The following MRM3 variants were observed in gnomAD, a reference collection of about 807,000 sequenced individuals.
MRM3 encodes the protein mitochondrial rRNA methyltransferase 3.
In MRM3, 26 loss-of-function variants were observed where a neutral mutation model predicts 29.4. That is an observed-to-expected ratio of 0.89 (90% CI 0.65 to 1.23). MRM3 has a LOEUF of 1.23. MRM3 is among the 50% of genes most tolerant of loss of function. The pLI, the probability that MRM3 is intolerant of heterozygous loss-of-function variation, is 0.00. For missense variants in MRM3, 578 were observed against 540.2 expected, an observed-to-expected ratio of 1.07 and a Z score of -0.69; for synonymous variants, 225 against 219.0, an observed-to-expected ratio of 1.03 and a Z score of -0.24.
At chr17:784,961 A>T (rs527852860) in intron 2 of MRM3, among the ~76,000 whole-genome samples, 2 of 152,302 alleles carry the variant, frequency 1.3e-5, no homozygotes, top group South Asian at 4.1e-4. Context: ...AAAGAATCCT[A>T]AATCTTTGAT....
intron 2 of MRM3, among the ~76,000 whole-genome samples, chr17:784,413 A>G (rs1910437474): frequency 6.6e-6 from 1 of 152,202 alleles, no homozygotes; most frequent in Admixed American, 6.5e-5. Context: ...TCCACACGCC[A>G]TGCTTCAGTG....
chr17:787,112 C>T lies in MRM3; in HGVS notation c.560-853C>T, dbSNP rs1429236834. ...ACAAAAAATTAGCCGGGTGTGGTTG[C>T]GGGTGCCTGTAATCCCAGCTACTTG... On this transcript the variant is annotated intron_variant, in intron 2 of 3. Coordinates refer to ENST00000304478, the MANE Select transcript of MRM3 (RefSeq NM_018146.4). The surrounding 1 kb of genome is among the most constrained non-coding windows in gnomAD (Gnocchi z 4.1). 6.6e-6 allele frequency among the ~76,000 whole-genome samples: 1 copy of T among 152,118 alleles called. No individual in the cohort carries two copies. Among genetic ancestry groups the T allele is most frequent in the Non-Finnish European group, 1.5e-5 (1 of 68,014 alleles).
At chr17:788,908 G>C (rs139867677) in intron 3 of MRM3, among the ~76,000 whole-genome samples, 1 of 152,364 alleles carries the variant, frequency 6.6e-6, no homozygotes, top group African/African-American at 2.4e-5. Context: ...TCACTGTGAG[G>C]ATTAAGTGAG....
chr17:783,904 A>C (rs545645708), intron 2 of MRM3, among the ~76,000 whole-genome samples: 56 of 152,290 alleles, frequency 3.7e-4, no homozygotes, highest in African/African-American at 1.3e-3. Flanking sequence ...TCAGATTAAA[A>C]ATTAAGAAAG....
chr17:782,361 GC>G lies in MRM3; in HGVS notation c.-15del. On this transcript the variant is annotated 5_prime_UTR_variant, in exon 1 of 4. Transcript: ENST00000304478. Reference sequence around the variant, plus strand: ...GCCGACGGCGCGCTTTCGTGACGCAGCCCGGGTCTCAGGGAACATGGCGGCG... The same window carrying G: ...GCCGACGGCGCGCTTTCGTGACGCAGCCGGGTCTCAGGGAACATGGCGGCG... 6.2e-7 allele frequency: 1 copy of G among 1,613,260 alleles called. No homozygotes were observed. The highest frequency in any genetic ancestry group is 8.5e-7 in the Non-Finnish European group (1 of 1,179,660).
chr17:782,701 G>A lies in MRM3; in HGVS notation c.314+9G>A. On this transcript the variant is annotated intron_variant, in intron 1 of 3. Transcript: ENST00000304478. Reference sequence around the variant, plus strand: ...GGGGACAGGAGGCTGAGGTGATGTGGTTCTTGAGCCTGTCGAATGTTCTCG... The same window carrying A: ...GGGGACAGGAGGCTGAGGTGATGTGATTCTTGAGCCTGTCGAATGTTCTCG... 3 of 1,586,460 alleles carry A rather than the reference G, an allele frequency of 1.9e-6. No individual in the cohort carries two copies. Among genetic ancestry groups the A allele is most frequent in the Non-Finnish European group, 2.6e-6 (3 of 1,161,574 alleles).
In MRM3 at chr17:791,702, C is replaced by A. The variant is rs1242454438; in HGVS notation, c.896C>A (p.Ser299Tyr). 6.2e-7 allele frequency: 1 copy of A among 1,614,194 alleles called. No homozygotes were observed. Among genetic ancestry groups the A allele is most frequent in the Non-Finnish European group, 8.5e-7 (1 of 1,180,038 alleles). Residue 299 changes from serine to tyrosine, a missense_variant, in exon 4 of 4, where the codon TCT becomes TAT. Transcript: ENST00000304478. Reference sequence around the variant, plus strand: ...GGCCTTTATGCCCAGGCTGAGATGTCTAATAAAGCTAGTGACCATGGCTGG... The same window carrying A: ...GGCCTTTATGCCCAGGCTGAGATGTATAATAAAGCTAGTGACCATGGCTGG... ...NCGLYAQAEMSNKASDHGWVC... is the reference protein window; with the variant it reads ...NCGLYAQAEMYNKASDHGWVC...
At chr17:786,359 C>T (rs185498621) in intron 2 of MRM3, among the ~76,000 whole-genome samples, 2 of 152,336 alleles carry the variant, frequency 1.3e-5, no homozygotes, top group Non-Finnish European at 2.9e-5. Context: ...TTGCAAGGTC[C>T]GCCTCCCGGG....
intron 3 of MRM3, among the ~76,000 whole-genome samples, chr17:788,728 T>C (rs1378471645): frequency 6.6e-6 from 1 of 151,906 alleles, no homozygotes; most frequent in Non-Finnish European, 1.5e-5. Context: ...ATGACAGGCA[T>C]GAATAACCAC....
In MRM3 at chr17:792,365, G is replaced by T; in HGVS notation, c.*296G>T. Reference sequence around the variant, plus strand: ...AGCACTTTGTGCCCAGAAAGTTCCTGAAGCATCATCCTGGCAGGGAGGCGC... The same window carrying T: ...AGCACTTTGTGCCCAGAAAGTTCCTTAAGCATCATCCTGGCAGGGAGGCGC... On this transcript the variant is annotated 3_prime_UTR_variant, in exon 4 of 4. Transcript: ENST00000304478. 3.1e-6 allele frequency: 1 copy of T among 324,838 alleles called. No homozygotes were observed. The highest frequency in any genetic ancestry group is 2.1e-5 in the African/African-American group (1 of 47,234). The allele number at this position is 324,838 out of a possible 1,614,324, so 20.1% of individuals were successfully genotyped here.
chr17:787,198 AT>A lies in MRM3; in HGVS notation c.560-765del, dbSNP rs529351813. Among the ~76,000 whole-genome samples the A allele has an allele frequency of 9.1e-4, 138 of 152,266 alleles. 2 individuals carry two copies. Among genetic ancestry groups the A allele is most frequent in the African/African-American group, 3.2e-3 (135 of 41,558 alleles). ...GAGGCAGAGGTTGCAGTGAGCCAGC[AT>A]TACACCATTGTACTCCAGCCTGGGC... On this transcript the variant is annotated intron_variant, in intron 2 of 3. Coordinates refer to ENST00000304478, the MANE Select transcript of MRM3 (RefSeq NM_018146.4). The surrounding 1 kb of genome is among the most constrained non-coding windows in gnomAD (Gnocchi z 4.1).
At chr17:791,473 C>A (rs1198181722) in intron 3 of MRM3, 61 bp from the exon 4 acceptor site, 2 of 1,538,776 alleles carry the variant, frequency 1.3e-6, no homozygotes, top group Non-Finnish European at 1.8e-6. Flanking sequence ...CAGACTTACT[C>A]CACAGTCCCC....
intron 3 of MRM3, chr17:790,472 C>A: frequency 5.7e-6 from 1 of 175,560 alleles, no homozygotes. Flanking sequence ...GTTGGCCTGC[C>A]CACCTCCCAC....
Position 782,643 on chromosome 17 carries a change from G to C in MRM3, c.265G>C (p.Glu89Gln). ...ATCCCGCGCTCCCAGCACCTGGGAA[G>C]AGTCTGGGCTTCGCTACGATAAAGC... ...SASRAPSTWE[E>Q]SGLRYDKAYP... The change falls in exon 1 of 4, where the codon GAG (glutamate) becomes CAG (glutamine). Residue 89 changes from glutamate (E) to glutamine (Q), a missense_variant. Transcript: ENST00000304478. 6.2e-7 allele frequency: 1 copy of C among 1,613,386 alleles called. No homozygotes were observed.
intron 3 of MRM3, among the ~76,000 whole-genome samples, chr17:789,106 T>C (rs1910677964): frequency 1.3e-5 from 2 of 152,214 alleles, no homozygotes; most frequent in Non-Finnish European, 2.9e-5. Context: ...ATTATAGGCA[T>C]TAGCCGCCAT....
In MRM3 at chr17:782,410, T is replaced by C. The variant is rs773447599; in HGVS notation, c.32T>C (p.Val11Ala). Residue 11 changes from valine (V) to alanine (A), a missense_variant, in exon 1 of 4, where the codon GTC (valine) becomes GCC (alanine). Val to Ala is a moderately conservative substitution (Grantham distance 64). Coordinates refer to ENST00000304478, the MANE Select transcript of MRM3 (RefSeq NM_018146.4). The part of the protein sequence containing the change: MAALVRPARF[V>A]VRPLLQVVQA... The stretch of plus-strand genomic sequence containing the variant: ...GCGCTGGTGAGACCCGCGAGGTTTG[T>C]CGTGCGACCGTTGCTGCAGGTGGTC... 1.9e-6 allele frequency: 3 copies of C among 1,613,776 alleles called. No homozygotes were observed. In the African/African-American group the frequency reaches 4.0e-5, roughly 22 times the overall value.
rs2273454 is a variant in MRM3, at chr17:782,400, G to A, written c.22G>A (p.Ala8Thr). Residue 8 changes from alanine (A) to threonine (T), a missense_variant, in exon 1 of 4, where the codon GCG (alanine) becomes ACG (threonine). Transcript: ENST00000304478. MAALVRP[A>T]RFVVRPLLQV... ...GAACATGGCGGCGCTGGTGAGACCC[G>A]CGAGGTTTGTCGTGCGACCGTTGCT... 3 of 1,613,366 alleles carry A rather than the reference G, an allele frequency of 1.9e-6. No homozygotes were observed. Among genetic ancestry groups the A allele is most frequent in the East Asian group, 2.2e-5 (1 of 44,828 alleles).
At chr17:790,328 T>G (rs1800635233) in intron 3 of MRM3, 1 of 153,104 alleles carries the variant, frequency 6.5e-6, no homozygotes, top group Admixed American at 6.5e-5. Flanking sequence ...AGACTGAACG[T>G]TGAAGCCCAA....
Position 788,117 on chromosome 17 carries a change from G to A in MRM3, c.712G>A (p.Val238Met), listed in dbSNP as rs145957030. Residue 238 changes from valine (V) to methionine (M), a missense_variant, in exon 3 of 4, where the codon GTG becomes ATG. Val to Met is a conservative substitution (Grantham distance 21). Coordinates refer to ENST00000304478, the MANE Select transcript of MRM3 (RefSeq NM_018146.4). ...RSAAGAGCSK[V>M]LLTKGCVDAW... ...TGCAGCTGGGGCAGGCTGCAGCAAAGTGTTACTCACCAAAGGTAAGGACAT... is the reference window on the plus strand; with the variant it reads ...TGCAGCTGGGGCAGGCTGCAGCAAAATGTTACTCACCAAAGGTAAGGACAT... 8.6e-4 allele frequency: 1,393 copies of A among 1,614,136 alleles called. No homozygotes were observed. The highest frequency in any genetic ancestry group is 9.6e-4 in the Non-Finnish European group (1,129 of 1,180,010).
Sources: allele counts gnomAD v4.1 joint callset (sites outside exome capture counted in the v4.1 genomes callset), GRCh38; gene constraint gnomAD v4.1.1; non-coding constraint Gnocchi (gnomAD v3.1); transcripts MANE v1.5; gene names NCBI Gene and HGNC (gene_info 2026-07-23, HGNC 2026-07-21).